Variants in PIWIL3 observed in about 807,000 individuals in gnomAD.
PIWIL3 encodes piwi like RNA-mediated gene silencing 3.
A neutral mutation model predicts 109.7 loss-of-function variants in PIWIL3; 101 were observed. The ratio of observed to expected loss-of-function variants is 0.92; its 90% CI spans 0.78 to 1.09. PIWIL3 has a LOEUF of 1.09. Among genes scored for constraint, PIWIL3 ranks in the 50% least tolerant of loss-of-function variants. PIWIL3 has a pLI of 0.00. For missense variants in PIWIL3, 1,031 were observed against 1,072.6 expected, an observed-to-expected ratio of 0.96 and a Z score of 0.54; for synonymous variants, 373 against 376.4, an observed-to-expected ratio of 0.99 and a Z score of 0.10.
chr22:24,728,737 T>C (rs1923148717), intron 14 of PIWIL3, among the ~76,000 whole-genome samples: 1 of 152,188 alleles, frequency 6.6e-6, no homozygotes, highest in Non-Finnish European at 1.5e-5. Context: ...ATTACAATTA[T>C]AAATTACATC....
At chr22:24,760,303 T>C (rs1925347181) in intron 2 of PIWIL3, among the ~76,000 whole-genome samples, 2 of 151,958 alleles carry the variant, frequency 1.3e-5, no homozygotes, top group Non-Finnish European at 2.9e-5. Context: ...AACCCAAGAC[T>C]TGGAGGTACT....
At chr22:24,757,638 ATATATAAAATATGTATATAT>A (rs1228965357) in intron 4 of PIWIL3, among the ~76,000 whole-genome samples, 2 of 98,784 alleles carry the variant, frequency 2.0e-5, no homozygotes, top group Non-Finnish European at 4.6e-5. Context: ...ACACACACAC[ATATATAAAATATGTATATAT>A]TACACACACA....
intron 8 of PIWIL3, among the ~76,000 whole-genome samples, chr22:24,752,667 G>A (rs908070912): frequency 2.0e-5 from 3 of 152,094 alleles, no homozygotes; most frequent in Non-Finnish European, 4.4e-5. Flanking sequence ...GTTTTCCTTA[G>A]TGTGAGACAA....
intron 12 of PIWIL3, among the ~76,000 whole-genome samples, chr22:24,748,463 GGATA>G (rs1301313509): frequency 1.3e-5 from 2 of 152,128 alleles, no homozygotes; most frequent in African/African-American, 4.8e-5. Flanking sequence ...ATGCTTGAGG[GGATA>G]GATACCCCAC....
At chr22:24,766,908 T>C (rs770046916) in intron 1 of PIWIL3, among the ~76,000 whole-genome samples, 4 of 151,272 alleles carry the variant, frequency 2.6e-5, no homozygotes, top group Admixed American at 6.6e-5. Context: ...GGCAGGAGGA[T>C]TGCTTGAGCC....
At chr22:24,726,039 A>C (rs1922974877) in intron 16 of PIWIL3, among the ~76,000 whole-genome samples, 1 of 152,178 alleles carries the variant, frequency 6.6e-6, no homozygotes, top group Non-Finnish European at 1.5e-5. Context: ...ATTGTGATGT[A>C]TCTGTCTGGC....
chr22:24,738,702 T>TCA (rs1182796423), intron 12 of PIWIL3, among the ~76,000 whole-genome samples: 1 of 152,158 alleles, frequency 6.6e-6, no homozygotes, highest in African/African-American at 2.4e-5. Flanking sequence ...ATGACTTAGA[T>TCA]CACAATACCC....
chr22:24,745,108 T>TGCTC (rs1274072878), intron 12 of PIWIL3, among the ~76,000 whole-genome samples: 1 of 152,186 alleles, frequency 6.6e-6, no homozygotes, highest in African/African-American at 2.4e-5. Context: ...CTAAACAATA[T>TGCTC]GCTCCTGAAT....
chr22:24,757,098 A>AAG (rs1555912999), intron 4 of PIWIL3, among the ~76,000 whole-genome samples: 4 of 146,448 alleles, frequency 2.7e-5, no homozygotes, highest in Non-Finnish European at 6.0e-5. Flanking sequence ...AAAAAAAAAA[A>AAG]AAAAGAAAAG....
intron 8 of PIWIL3, among the ~76,000 whole-genome samples, chr22:24,753,225 CA>C (rs138703605): frequency 0.03 from 4,618 of 152,230 alleles, 78 homozygotes; most frequent in African/African-American, 0.033. Flanking sequence ...TTCCCTAGCT[CA>C]AAGTCAAAAA....
In PIWIL3 at chr22:24,744,178, T is replaced by TTAA. The variant is rs1924180538; in HGVS notation, c.1449+4728_1449+4729insTTA. Reference sequence around the variant, plus strand: ...ACTCTAATTGAAAGAGTGACCGAATTAAAAAAAAAAAAAAAAAAAAAAAAA... The same window carrying TTAA: ...ACTCTAATTGAAAGAGTGACCGAATTTAAAAAAAAAAAAAAAAAAAAAAAAAAA... On this transcript the variant is annotated intron_variant, in intron 12 of 20. Coordinates refer to ENST00000616349, the MANE Select transcript of PIWIL3 (RefSeq NM_001255975.1). Among the ~76,000 whole-genome samples, 262 of 34,318 alleles carry TTAA rather than the reference T, an allele frequency of 7.6e-3. 58 individuals carry two copies. The highest frequency in any genetic ancestry group is 0.017 in the African/African-American group (184 of 10,570). The allele number at this position is 34,318 out of a possible 152,430, so 22.5% of individuals were successfully genotyped here.
chr22:24,774,450 G>A lies in PIWIL3; in HGVS notation c.-151C>T, dbSNP rs1050477878. On this transcript the variant is annotated 5_prime_UTR_variant, in exon 1 of 21. Coordinates refer to ENST00000616349, the MANE Select transcript of PIWIL3 (RefSeq NM_001255975.1). Reference sequence around the variant, plus strand: ...AAATAATTCAGGACAAGCCACTGGAGGGGGTCACACCACCTGACACCTCCC... The same window carrying A: ...AAATAATTCAGGACAAGCCACTGGAAGGGGTCACACCACCTGACACCTCCC... 1 of 152,402 alleles carries A rather than the reference G, an allele frequency of 6.6e-6. No homozygotes were observed. Among genetic ancestry groups the A allele is most frequent in the Non-Finnish European group, 1.5e-5 (1 of 68,130 alleles). The allele number at this position is 152,402 out of a possible 1,614,324, so 9.4% of individuals were successfully genotyped here.
intron 20 of PIWIL3, 39 bp from the exon 21 acceptor site, chr22:24,719,627 C>A: frequency 6.5e-7 from 1 of 1,541,688 alleles, no homozygotes; most frequent in South Asian, 1.2e-5. Flanking sequence ...AAATTTTTTT[C>A]ACTTTACATC....
chr22:24,744,193 A>AC (rs1446076517), intron 12 of PIWIL3, among the ~76,000 whole-genome samples: 3 of 145,402 alleles, frequency 2.1e-5, no homozygotes, highest in South Asian at 2.1e-4. Context: ...AAAAAAAAAA[A>AC]AAAAAAAAAA....
chr22:24,749,956 A>G (rs1924606364), intron 9 of PIWIL3, 137 bp from the exon 10 acceptor site: 2 of 1,122,324 alleles, frequency 1.8e-6, no homozygotes, highest in Non-Finnish European at 2.6e-6. Flanking sequence ...CCCAAGTTTA[A>G]TAGTGTACTA....
intron 8 of PIWIL3, among the ~76,000 whole-genome samples, chr22:24,752,268 A>G (rs1601842721): frequency 1.3e-5 from 2 of 152,324 alleles, no homozygotes; most frequent in South Asian, 4.1e-4. Flanking sequence ...GCAAGCTGGA[A>G]GCTTACATAG....
intron 13 of PIWIL3, among the ~76,000 whole-genome samples, chr22:24,735,309 T>C (rs1239516132): frequency 6.6e-6 from 1 of 152,182 alleles, no homozygotes; most frequent in Non-Finnish European, 1.5e-5. Context: ...CTGCAACAAA[T>C]GTACCACACT....
At chr22:24,760,423 G>A (rs796923968) in intron 2 of PIWIL3, among the ~76,000 whole-genome samples, 65 of 152,224 alleles carry the variant, frequency 4.3e-4, no homozygotes, top group African/African-American at 1.5e-3. Flanking sequence ...GGAAGAAGAG[G>A]GTGAGAGATG....
At chr22:24,752,664 T>G (rs1924783100) in intron 8 of PIWIL3, among the ~76,000 whole-genome samples, 1 of 152,208 alleles carries the variant, frequency 6.6e-6, no homozygotes, top group Admixed American at 6.5e-5. Flanking sequence ...TTTGTTTTCC[T>G]TAGTGTGAGA....
Sources: gnomAD v4.1 joint callset for allele counts (sites outside exome capture counted in the v4.1 genomes callset) on GRCh38, gnomAD v4.1.1 for gene constraint, MANE v1.5 for transcripts, NCBI Gene and HGNC (gene_info 2026-07-23, HGNC 2026-07-21) for gene names.